BCL7A: variants seen among roughly 807,000 people sequenced by gnomAD.
BCL7A encodes B-cell CLL/lymphoma 7 protein family member A.
In BCL7A, 11 loss-of-function variants were observed where a neutral mutation model predicts 28.4. That is an observed-to-expected ratio of 0.39 (90% CI 0.24 to 0.64). BCL7A has a LOEUF of 0.64. BCL7A is among the 30% of genes least tolerant of loss of function. BCL7A has a pLI of 0.50. For synonymous variants in BCL7A, 123 were observed against 103.3 expected (o/e 1.19, Z -1.15); for missense variants, 222 against 274.8 (o/e 0.81, Z 1.36).
At chr12:122,056,512 C>T (rs531846981) in intron 5 of BCL7A, among the ~76,000 whole-genome samples, 8 of 152,024 alleles carry the variant, frequency 5.3e-5, no homozygotes, top group Admixed American at 3.9e-4. Flanking sequence ...TCAAGCAATA[C>T]GTTTTTGGCC....
At chr12:122,053,149 C>T (rs1376706354) in intron 4 of BCL7A, among the ~76,000 whole-genome samples, 1 of 152,104 alleles carries the variant, frequency 6.6e-6, no homozygotes, top group Non-Finnish European at 1.5e-5. Context: ...GCGTGCACCA[C>T]CATGCCTGGC....
chr12:122,042,343 T>C (rs1883979277), intron 3 of BCL7A, among the ~76,000 whole-genome samples: 1 of 152,124 alleles, frequency 6.6e-6, no homozygotes, highest in South Asian at 2.1e-4. Flanking sequence ...AATTAAAATA[T>C]AATTCACATA....
chr12:122,033,502 C>T (rs1012147186), intron 2 of BCL7A, among the ~76,000 whole-genome samples: 1 of 151,996 alleles, frequency 6.6e-6, no homozygotes. Context: ...TTAATAGAGA[C>T]GGGGTTTCAC....
intron 5 of BCL7A, 38 bp downstream of exon 5, chr12:122,054,964 GC>G: frequency 6.2e-7 from 1 of 1,614,096 alleles, no homozygotes; most frequent in South Asian, 1.1e-5. Context: ...AGCCAGATCG[GC>G]CGGGAGCCCA....
At chr12:122,057,651 G>C (rs1951888052) in intron 5 of BCL7A, among the ~76,000 whole-genome samples, 2 of 152,160 alleles carry the variant, frequency 1.3e-5, no homozygotes, top group Non-Finnish European at 2.9e-5. Context: ...CAGGTGACAG[G>C]TTAGGTTTGA....
chr12:122,044,866 A>C (rs1363481926), intron 4 of BCL7A, among the ~76,000 whole-genome samples: 1 of 152,230 alleles, frequency 6.6e-6, no homozygotes, highest in Non-Finnish European at 1.5e-5. Flanking sequence ...GTATTTAAAA[A>C]TCAGACAACC....
At chr12:122,024,517 T>A (rs563964497) in intron 1 of BCL7A, among the ~76,000 whole-genome samples, 1 of 151,178 alleles carries the variant, frequency 6.6e-6, no homozygotes, top group Non-Finnish European at 1.5e-5. Flanking sequence ...ATTGCCCAGG[T>A]TTCTCTGGCC....
intron 1 of BCL7A, among the ~76,000 whole-genome samples, chr12:122,023,337 C>G (rs1008614368): frequency 3.3e-5 from 5 of 152,304 alleles, no homozygotes; most frequent in South Asian, 2.1e-4. Flanking sequence ...CTCGTCTCGA[C>G]CCTTTATTTC....
chr12:122,025,453 T>C (rs1324486100), intron 1 of BCL7A, among the ~76,000 whole-genome samples: 1 of 150,274 alleles, frequency 6.7e-6, no homozygotes, highest in Non-Finnish European at 1.5e-5. Context: ...TGAAACCCCG[T>C]CTCTACTAAA....
At chr12:122,031,395 G>A (rs1292956047) in intron 2 of BCL7A, among the ~76,000 whole-genome samples, 2 of 152,130 alleles carry the variant, frequency 1.3e-5, no homozygotes, top group Admixed American at 6.6e-5. Flanking sequence ...GGCAGGTGTG[G>A]TGGTGCCCAC....
intron 4 of BCL7A, among the ~76,000 whole-genome samples, chr12:122,050,797 G>A (rs1037285859): frequency 6.6e-5 from 10 of 152,220 alleles, no homozygotes; most frequent in African/African-American, 2.2e-4. Flanking sequence ...CCCTGTCTCA[G>A]CAGAAAATAA....
At chr12:122,050,238 C>T (rs1286657004) in intron 4 of BCL7A, among the ~76,000 whole-genome samples, 5 of 152,046 alleles carry the variant, frequency 3.3e-5, no homozygotes, top group Admixed American at 2.6e-4. Context: ...GCCTCAGCCT[C>T]CAAAGTGTTG....
chr12:122,027,889 C>G (rs1004266928), intron 1 of BCL7A, among the ~76,000 whole-genome samples: 4 of 152,010 alleles, frequency 2.6e-5, no homozygotes, highest in African/African-American at 9.7e-5. Context: ...AGCTTAATAC[C>G]CTCATTGGGG....
At chr12:122,049,241 A>G (rs908214403) in intron 4 of BCL7A, among the ~76,000 whole-genome samples, 2 of 149,404 alleles carry the variant, frequency 1.3e-5, no homozygotes, top group Admixed American at 6.7e-5. Context: ...AAAAAAAAAA[A>G]AGAGAAGAAA....
intron 1 of BCL7A, among the ~76,000 whole-genome samples, chr12:122,024,089 C>A (rs1593020382): frequency 6.6e-6 from 1 of 152,266 alleles, no homozygotes; most frequent in East Asian, 1.9e-4. Flanking sequence ...CCCGGGGCGG[C>A]CGGCCTGGAG....
chr12:122,034,707 A>G (rs1169638232), intron 2 of BCL7A, among the ~76,000 whole-genome samples: 1 of 150,462 alleles, frequency 6.6e-6, no homozygotes, highest in African/African-American at 2.5e-5. Flanking sequence ...ACGCCACTGC[A>G]CTCTAGCCTG....
At chr12:122,053,008 C>T (rs1884227677) in intron 4 of BCL7A, among the ~76,000 whole-genome samples, 1 of 142,994 alleles carries the variant, frequency 7.0e-6, no homozygotes, top group South Asian at 2.3e-4. Context: ...TTGTTGTTGT[C>T]GTTTTTTGAG....
chr12:122,061,183 GT>G lies in BCL7A; in HGVS notation c.*2025del. 1 of 227,694 alleles carries G rather than the reference GT, an allele frequency of 4.4e-6. No individual in the cohort carries two copies. Among genetic ancestry groups the G allele is most frequent in the Non-Finnish European group, 8.7e-6 (1 of 114,582 alleles). The allele number at this position is 227,694 out of a possible 1,614,324, so 14.1% of individuals were successfully genotyped here. A position where few individuals can be genotyped will look rare whatever the true frequency, so the allele number is the denominator to read the frequency against. On this transcript the variant is annotated 3_prime_UTR_variant, in exon 6 of 6. Coordinates refer to ENST00000261822, the MANE Select transcript of BCL7A (RefSeq NM_001024808.3). ...AATTTGGATATTTATTTCCTTCTCT[GT>G]TTTTGGGAAACGAGAGGCTACAACC...
Position 122,022,097 on chromosome 12 carries a change from G to T in BCL7A, c.6G>T (p.Ser2=), listed in dbSNP as rs1358898606. The change falls in exon 1 of 6, where the codon TCG becomes TCT. Residue 2 remains serine (S), a synonymous_variant. Coordinates refer to ENST00000261822, the MANE Select transcript of BCL7A (RefSeq NM_001024808.3). The part of the protein sequence containing the change: M[S]GRSVRAETRS... Reference sequence around the variant, plus strand: ...TCCGTCTCCCCGCCGGAACCATGTCGGGCAGGTCGGTTCGAGCCGAGACGA... The same window carrying T: ...TCCGTCTCCCCGCCGGAACCATGTCTGGCAGGTCGGTTCGAGCCGAGACGA... The T allele has an allele frequency of 6.4e-7, 1 of 1,569,590 alleles. No individual in the cohort carries two copies. The highest frequency in any genetic ancestry group is 1.1e-5 in the South Asian group (1 of 88,112).
Sources: allele counts gnomAD v4.1 joint callset (sites outside exome capture counted in the v4.1 genomes callset), GRCh38; gene constraint gnomAD v4.1.1; transcripts MANE v1.5; gene names NCBI Gene and HGNC (gene_info 2026-07-23, HGNC 2026-07-21).